The following MAP3K7 variants were observed in gnomAD, a reference collection of about 807,000 sequenced individuals.
The protein encoded by MAP3K7 is TGF-beta activated kinase 1.
A neutral mutation model predicts 84.8 loss-of-function variants in MAP3K7; 21 were observed. That is an observed-to-expected ratio of 0.25 (90% CI 0.18 to 0.36). The LOEUF (loss-of-function observed/expected upper bound fraction) is 0.36. MAP3K7 is among the 10% of genes least tolerant of loss of function. The pLI, the probability that MAP3K7 is intolerant of heterozygous loss-of-function variation, is 1.00. For missense variants in MAP3K7, 503 were observed against 747.7 expected (o/e 0.67, Z 3.82); for synonymous variants, 241 against 247.7 (o/e 0.97, Z 0.25).
chr6:90,579,136 G>GA (rs1295092405), intron 1 of MAP3K7, among the ~76,000 whole-genome samples: 3 of 152,176 alleles, frequency 2.0e-5, no homozygotes, highest in African/African-American at 7.2e-5. Flanking sequence ...CTGGTACAGA[G>GA]AAAAATGCTA....
At chr6:90,570,490 A>C (rs1690469002) in intron 2 of MAP3K7, among the ~76,000 whole-genome samples, 2 of 152,192 alleles carry the variant, frequency 1.3e-5, no homozygotes, top group Non-Finnish European at 2.9e-5. Flanking sequence ...TCCCAGCAGA[A>C]GACTAGAGGT....
intron 12 of MAP3K7, among the ~76,000 whole-genome samples, chr6:90,541,966 C>T (rs1056117653): frequency 2.0e-5 from 3 of 151,846 alleles, no homozygotes; most frequent in Admixed American, 2.0e-4. Context: ...GAAGTATTAA[C>T]GAAACTCTTA....
Position 90,560,179 on chromosome 6 carries a change from C to G in MAP3K7, c.379G>C (p.Ala127Pro). The change falls in exon 5 of 17, where the codon GCT becomes CCT. Residue 127 changes from alanine to proline, a missense_variant. Ala to Pro is a conservative substitution (Grantham distance 27, BLOSUM62 -1). Coordinates refer to ENST00000369329, the MANE Select transcript of MAP3K7 (RefSeq NM_145331.3). The stretch of plus-strand genomic sequence containing the variant: ...AAACACCAACTCATTGCGTGGGCAG[C>G]AGTATAATATGGCAATGGTTCAGCA... ...HGAEPLPYYTAAHAMSWCLQC... is the reference protein window; with the variant it reads ...HGAEPLPYYTPAHAMSWCLQC... The G allele has an allele frequency of 6.2e-7, 1 of 1,614,110 alleles. No homozygotes were observed. The highest frequency in any genetic ancestry group is 1.7e-5 in the Admixed American group (1 of 60,030).
intron 16 of MAP3K7, among the ~76,000 whole-genome samples, chr6:90,517,062 G>A (rs1353218270): frequency 6.6e-6 from 1 of 151,816 alleles, no homozygotes; most frequent in Non-Finnish European, 1.5e-5. Flanking sequence ...CTTTTATACT[G>A]ATTCACATTC....
At chr6:90,569,991 G>C (rs935223378) in intron 2 of MAP3K7, among the ~76,000 whole-genome samples, 3 of 151,770 alleles carry the variant, frequency 2.0e-5, no homozygotes, top group African/African-American at 7.3e-5. Flanking sequence ...CAACATGTGT[G>C]GATTTTTCGT....
intron 1 of MAP3K7, among the ~76,000 whole-genome samples, chr6:90,575,627 C>T (rs562743743): frequency 3.9e-5 from 6 of 152,088 alleles, no homozygotes; most frequent in East Asian, 1.9e-4. Context: ...AAGGAGGCTG[C>T]GGTAGGGCAG....
chr6:90,524,629 A>G (rs1775260973), intron 13 of MAP3K7, among the ~76,000 whole-genome samples: 1 of 152,192 alleles, frequency 6.6e-6, no homozygotes, highest in Admixed American at 6.5e-5. Flanking sequence ...CCTTCCATAC[A>G]TTCTTACCAC....
intron 12 of MAP3K7, 181 bp from the exon 13 acceptor site, chr6:90,536,582 G>A (rs1441713414): frequency 3.5e-6 from 2 of 569,898 alleles, no homozygotes; most frequent in Non-Finnish European, 6.2e-6. Flanking sequence ...TGTAAAGAAA[G>A]GAAGAGAAAC....
chr6:90,576,789 T>C (rs554445862), intron 1 of MAP3K7, among the ~76,000 whole-genome samples: 37 of 152,164 alleles, frequency 2.4e-4, no homozygotes, highest in Non-Finnish European at 5.0e-4. Context: ...GGTGACATTT[T>C]AGTGATGATT....
chr6:90,536,273 TAC>T lies in MAP3K7; in HGVS notation c.1356+62_1356+63del, dbSNP rs1464991465. 9.8e-6 allele frequency: 13 copies of T among 1,331,592 alleles called. No individual in the cohort carries two copies. In the African/African-American group the frequency reaches 1.9e-4, roughly 19 times the overall value. 82.5% of individuals were successfully genotyped at this position (1,331,592 alleles called of 1,614,324 possible). A position where few individuals can be genotyped will look rare whatever the true frequency, so the allele number is the denominator to read the frequency against. On this transcript the variant is annotated intron_variant, in intron 13 of 16. Transcript: ENST00000369329. ...ATAAAACTAATTTTGCAGAGTAGAA[TAC>T]AGTTAATTCTTGTTTTCTGCCTAGT...
Position 90,571,790 on chromosome 6 carries a change from G to A in MAP3K7, c.138C>T (p.Ala46=), listed in dbSNP as rs757090977. 12 of 1,595,498 alleles carry A rather than the reference G, an allele frequency of 7.5e-6. 1 individual carries two copies. The Admixed American group carries it at 2.1e-4, about 28-fold the overall frequency. The change falls in exon 2 of 17, where the codon GCC becomes GCT. Residue 46 remains alanine (A), a synonymous_variant. Transcript: ENST00000369329. ...ACTTAGCTTTGCAAACAACTCCAAA[G>A]GCTCCTCTTCCAACAACCTGAGTTA... The part of the protein sequence containing the change: ...IEVEEVVGRG[A]FGVVCKAKWR...
At position 90,582,678 on chromosome 6, in the gene MAP3K7, CAAA is replaced by C. The variant is rs140928536; in HGVS notation, c.120+4083_120+4085del. 4.7e-3 allele frequency among the ~76,000 whole-genome samples: 721 copies of C among 152,184 alleles called. 17 individuals are homozygous for C. In the East Asian group the frequency reaches 0.051, roughly 11 times the overall value. ...CCCAACCCACGATGGTCACTTTATTCAAAACCTAGTTTTAAACTTGTCCCTACT... is the reference window on the plus strand; with the variant it reads ...CCCAACCCACGATGGTCACTTTATTCACCTAGTTTTAAACTTGTCCCTACT... On this transcript the variant is annotated intron_variant, in intron 1 of 16. Transcript: ENST00000369329.
At chr6:90,542,316 T>C (rs1775878767) in intron 12 of MAP3K7, 1 of 983,896 alleles carries the variant, frequency 1.0e-6, no homozygotes, top group African/African-American at 1.7e-5. Flanking sequence ...TATTCTTCTA[T>C]TAAAGAAAGT....
intron 5 of MAP3K7, among the ~76,000 whole-genome samples, chr6:90,558,246 C>T (rs997687197): frequency 2.6e-5 from 4 of 152,064 alleles, no homozygotes; most frequent in South Asian, 2.1e-4. Flanking sequence ...TGCTTGAACC[C>T]GGGAGGTGGA....
chr6:90,544,604 A>G lies in MAP3K7; in HGVS notation c.1239T>C (p.Arg413=), dbSNP rs769116059. Residue 413 remains arginine (R), a synonymous_variant, in exon 12 of 17, where the codon CGT becomes CGC. Transcript: ENST00000369329. ...GAATGTTGCCAAATGAAGCAGTTTTACGGTGGCCCCGTTTAGGCTTGGAAT... is the reference window on the plus strand; with the variant it reads ...GAATGTTGCCAAATGAAGCAGTTTTGCGGTGGCCCCGTTTAGGCTTGGAAT... ...TAYSKPKRGH[R]KTASFGNILD... 6.2e-7 allele frequency: 1 copy of G among 1,612,546 alleles called. No individual in the cohort carries two copies. The highest frequency in any genetic ancestry group is 1.3e-5 in the African/African-American group (1 of 74,964).
At chr6:90,576,783 A>G (rs1777098809) in intron 1 of MAP3K7, among the ~76,000 whole-genome samples, 1 of 152,136 alleles carries the variant, frequency 6.6e-6, no homozygotes, top group South Asian at 2.1e-4. Flanking sequence ...GAGAAAGGTG[A>G]CATTTTAGTG....
chr6:90,572,296 C>T (rs1582234623), intron 1 of MAP3K7, among the ~76,000 whole-genome samples: 3 of 151,822 alleles, frequency 2.0e-5, no homozygotes, highest in Admixed American at 6.6e-5. Flanking sequence ...GTTAAAAGAC[C>T]GGCTATGAAG....
At position 90,516,663 on chromosome 6, in the gene MAP3K7, T is replaced by A; in HGVS notation, c.1659A>T (p.Glu553Asp). 1 of 1,602,258 alleles carries A rather than the reference T, an allele frequency of 6.2e-7. No homozygotes were observed. Among genetic ancestry groups the A allele is most frequent in the Non-Finnish European group, 8.5e-7 (1 of 1,176,372 alleles). ...LLQRKQELVAELDQDEKDQQN... is the reference protein window; with the variant it reads ...LLQRKQELVADLDQDEKDQQN... Reference sequence around the variant, plus strand: ...GCTGGTCCTTTTCATCCTGGTCCAGTTCTGCAACTAGTTCTTGCCTACAAA... The same window carrying A: ...GCTGGTCCTTTTCATCCTGGTCCAGATCTGCAACTAGTTCTTGCCTACAAA... The change falls in exon 17 of 17, where the codon GAA becomes GAT. Residue 553 changes from glutamate to aspartate, a missense_variant. Coordinates refer to ENST00000369329, the MANE Select transcript of MAP3K7 (RefSeq NM_145331.3).
intron 13 of MAP3K7, among the ~76,000 whole-genome samples, chr6:90,533,455 G>A (rs920030797): frequency 9.2e-5 from 14 of 152,156 alleles, no homozygotes; most frequent in African/African-American, 3.4e-4. Context: ...TGATTTTGGG[G>A]AAACTCAAAG....
Sources: gnomAD v4.1 joint callset for allele counts (sites outside exome capture counted in the v4.1 genomes callset) on GRCh38, gnomAD v4.1.1 for gene constraint, MANE v1.5 for transcripts, NCBI Gene and HGNC (gene_info 2026-07-23, HGNC 2026-07-21) for gene names.